The following AOPEP variants were observed in gnomAD, a reference collection of about 807,000 sequenced individuals.
AOPEP encodes the protein aminopeptidase O.
A neutral mutation model predicts 98.1 loss-of-function variants in AOPEP; 77 were observed. The ratio of observed to expected loss-of-function variants is 0.78; its 90% CI spans 0.65 to 0.95. AOPEP has a LOEUF of 0.95. AOPEP is among the 40% of genes least tolerant of loss of function. The pLI, the probability that AOPEP is intolerant of heterozygous loss-of-function variation, is 0.00. For synonymous variants in AOPEP, 346 were observed against 365.3 expected (o/e 0.95, Z 0.60); for missense variants, 1,024 against 1,024.7 (o/e 1.00, Z 0.01).
chr9:95,149,721 C>T, the AOPEP span, among the ~76,000 whole-genome samples: 7 of 152,114 alleles, frequency 4.6e-5, no homozygotes, highest in African/African-American at 1.7e-4. Flanking sequence ...TCAGGTGATC[C>T]ACCCGCCTTG....
At chr9:95,111,093 C>T in the AOPEP span, 2 of 1,518,488 alleles carry the variant, frequency 1.3e-6, no homozygotes, top group Non-Finnish European at 8.8e-7. Context: ...CTGGCTGTGG[C>T]CAGGCTCTGC....
intron 14 of AOPEP, among the ~76,000 whole-genome samples, chr9:95,067,368 G>C (rs1320326428): frequency 6.6e-6 from 1 of 152,194 alleles, no homozygotes; most frequent in Non-Finnish European, 1.5e-5. Context: ...GCTAAACTTT[G>C]TGGGGTGGCA....
rs1554690358 is a variant in AOPEP, at chr9:94,728,249, A to ACG, written c.-136+1499_-136+1500insGC. Reference sequence around the variant, plus strand: ...CCTGCGTGCGCGCATGCACACACACACACACACACACACACACACACACCA... The same window carrying ACG: ...CCTGCGTGCGCGCATGCACACACACACGCACACACACACACACACACACACCA... On this transcript the variant is annotated intron_variant, in intron 1 of 16. Coordinates refer to ENST00000375315, the MANE Select transcript of AOPEP (RefSeq NM_001193329.3). Among the ~76,000 whole-genome samples, 7 of 147,224 alleles carry ACG rather than the reference A, an allele frequency of 4.8e-5. No homozygotes were observed. The South Asian group carries it at 1.5e-3, about 32-fold the overall frequency.
At chr9:94,907,140 T>G (rs535742770) in intron 5 of AOPEP, among the ~76,000 whole-genome samples, 3 of 152,308 alleles carry the variant, frequency 2.0e-5, no homozygotes, top group African/African-American at 7.2e-5. Flanking sequence ...AAGATGGATA[T>G]GAAGGGCCCC....
At chr9:95,030,347 G>A (rs2064191216) in intron 13 of AOPEP, among the ~76,000 whole-genome samples, 1 of 152,142 alleles carries the variant, frequency 6.6e-6, no homozygotes, top group Admixed American at 6.5e-5. Flanking sequence ...AAAAATAATT[G>A]AATTCAGTTG....
chr9:95,111,078 G>C, the AOPEP span: 1 of 1,509,638 alleles, frequency 6.6e-7, no homozygotes, highest in Non-Finnish European at 8.8e-7. Flanking sequence ...GAGCGAGACA[G>C]GGCCCTGGCT....
chr9:95,081,593 T>C (rs1283274955), intron 15 of AOPEP, among the ~76,000 whole-genome samples: 1 of 152,196 alleles, frequency 6.6e-6, no homozygotes, highest in Non-Finnish European at 1.5e-5. Context: ...GAAAAGTACA[T>C]GCCTTTGTAC....
chr9:94,933,945 T>C (rs932266424), intron 7 of AOPEP, among the ~76,000 whole-genome samples: 2 of 152,082 alleles, frequency 1.3e-5, no homozygotes, highest in Non-Finnish European at 2.9e-5. Flanking sequence ...AGACGGGGTT[T>C]CACTGTGTTA....
chr9:94,842,525 G>GA (rs2042392767), intron 5 of AOPEP, among the ~76,000 whole-genome samples: 1 of 152,116 alleles, frequency 6.6e-6, no homozygotes, highest in Non-Finnish European at 1.5e-5. Flanking sequence ...TGCAAAGATT[G>GA]AAAATCTCAT....
chr9:94,851,771 T>C (rs975835741), intron 5 of AOPEP, among the ~76,000 whole-genome samples: 16 of 148,068 alleles, frequency 1.1e-4, no homozygotes, highest in Admixed American at 1.4e-4. Flanking sequence ...GTGGTAGTCA[T>C]ACTAGATACT....
At chr9:94,796,728 A>G (rs1410524911) in intron 4 of AOPEP, among the ~76,000 whole-genome samples, 1 of 152,208 alleles carries the variant, frequency 6.6e-6, no homozygotes, top group Non-Finnish European at 1.5e-5. Context: ...CTCCACTTTC[A>G]CACATGCTCC....
At chr9:95,009,750 C>A (rs996917544) in intron 13 of AOPEP, among the ~76,000 whole-genome samples, 2 of 151,910 alleles carry the variant, frequency 1.3e-5, no homozygotes, top group African/African-American at 4.8e-5. Flanking sequence ...TGCCAGAACC[C>A]AAAAAACAAT....
At chr9:95,133,655 A>C in the AOPEP span, among the ~76,000 whole-genome samples, 1 of 152,218 alleles carries the variant, frequency 6.6e-6, no homozygotes, top group Non-Finnish European at 1.5e-5. Flanking sequence ...GCTGGAAAAA[A>C]GGCAATGGGA....
chr9:94,772,687 C>T (rs1841155354), intron 2 of AOPEP, among the ~76,000 whole-genome samples: 1 of 152,114 alleles, frequency 6.6e-6, no homozygotes, highest in Non-Finnish European at 1.5e-5. Flanking sequence ...GGCACCAGGG[C>T]CTGAGGGGAG....
At chr9:95,084,790 A>G (rs1002272038) in intron 16 of AOPEP, among the ~76,000 whole-genome samples, 8 of 146,836 alleles carry the variant, frequency 5.4e-5, no homozygotes, top group African/African-American at 2.0e-4. Context: ...CCCCCCAACC[A>G]GTCCCCGTGA....
chr9:95,149,788 A>C, the AOPEP span: 2,498 of 1,030,744 alleles, frequency 2.4e-3, 12 homozygotes, highest in Non-Finnish European at 1.7e-3. Context: ...CGGGATACTC[A>C]GTAATTTTTA....
At chr9:94,988,999 C>T (rs1027357722) in intron 11 of AOPEP, among the ~76,000 whole-genome samples, 1 of 151,736 alleles carries the variant, frequency 6.6e-6, no homozygotes, top group Non-Finnish European at 1.5e-5. Context: ...ATCTCCGCCT[C>T]CTGGGTTCAA....
At chr9:94,920,951 T>G (rs1425539168) in intron 5 of AOPEP, among the ~76,000 whole-genome samples, 1 of 152,038 alleles carries the variant, frequency 6.6e-6, no homozygotes, top group Non-Finnish European at 1.5e-5. Context: ...CTCCACCACT[T>G]GGAGCCAAAA....
chr9:95,147,625 A>C, the AOPEP span, among the ~76,000 whole-genome samples: 1 of 152,218 alleles, frequency 6.6e-6, no homozygotes, highest in Non-Finnish European at 1.5e-5. Flanking sequence ...AAATAAAGAC[A>C]AAAAATGTGA....
Sources: allele counts gnomAD v4.1 joint callset (sites outside exome capture counted in the v4.1 genomes callset), GRCh38; gene constraint gnomAD v4.1.1; transcripts MANE v1.5; gene names NCBI Gene and HGNC (gene_info 2026-07-23, HGNC 2026-07-21).